NRXN3: variants seen among roughly 807,000 people sequenced by gnomAD.
NRXN3 encodes the protein neurexin 3.
Under a neutral mutation model 137.6 loss-of-function variants are expected in NRXN3, and 32 were observed. That is an observed-to-expected ratio of 0.23 (90% CI 0.18 to 0.31). NRXN3 has a LOEUF of 0.31. Among genes scored for constraint, NRXN3 ranks in the 10% least tolerant of loss-of-function variants. The pLI is 1.00. For synonymous variants in NRXN3, 798 were observed against 784.5 expected (o/e 1.02, Z -0.29); for missense variants, 1,574 against 2,062.5 (o/e 0.76, Z 4.59).
intron 15 of NRXN3, among the ~76,000 whole-genome samples, chr14:79,031,171 G>A (rs2099607689): frequency 6.6e-6 from 1 of 152,104 alleles, no homozygotes; most frequent in Non-Finnish European, 1.5e-5. Context: ...GGGGAGGTCA[G>A]GGAATGGACT....
intron 20 of NRXN3, among the ~76,000 whole-genome samples, chr14:79,847,772 A>G (rs2099383056): frequency 6.6e-6 from 1 of 152,218 alleles, no homozygotes; most frequent in African/African-American, 2.4e-5. Context: ...AGATGAGGAC[A>G]TAAAGGAACA....
At position 79,025,941 on chromosome 14, in the gene NRXN3, C is replaced by G. The variant is rs867689527; in HGVS notation, c.3262+37800C>G. ...GCTTTCAGCCTCCAGTTTGTTGCCT[C>G]TTAGTCACAGTATAGTTGCTGCACC... is the stretch of plus-strand genomic sequence containing the variant. On this transcript the variant is annotated intron_variant, in intron 15 of 20. Transcript: ENST00000335750. Among the ~76,000 whole-genome samples, 8 of 152,196 alleles carry G rather than the reference C, an allele frequency of 5.3e-5. No individual in the cohort carries two copies. The South Asian group carries it at 8.3e-4, about 16-fold the overall frequency.
intron 4 of NRXN3, among the ~76,000 whole-genome samples, chr14:78,474,112 T>C (rs1332744674): frequency 2.0e-5 from 3 of 152,146 alleles, no homozygotes; most frequent in Admixed American, 6.5e-5. Flanking sequence ...TAAACGTATG[T>C]CCATCTGTAA....
At chr14:79,366,031 C>A (rs1463829554) in intron 15 of NRXN3, among the ~76,000 whole-genome samples, 1 of 151,916 alleles carries the variant, frequency 6.6e-6, no homozygotes, top group African/African-American at 2.4e-5. Flanking sequence ...ATGCAAGCAC[C>A]CCTCTCTTCA....
At chr14:79,348,981 G>C (rs1188135141) in intron 15 of NRXN3, among the ~76,000 whole-genome samples, 1 of 152,092 alleles carries the variant, frequency 6.6e-6, no homozygotes, top group Middle Eastern at 3.2e-3. Flanking sequence ...GAAAATGGTT[G>C]ATCAATAAAG....
chr14:79,519,249 G>A (rs1433526548), intron 16 of NRXN3, among the ~76,000 whole-genome samples: 3 of 152,032 alleles, frequency 2.0e-5, no homozygotes, highest in East Asian at 3.9e-4. Flanking sequence ...TCATTTTTCT[G>A]TGCTTATTTT....
intron 15 of NRXN3, among the ~76,000 whole-genome samples, chr14:79,096,662 C>A (rs1457629403): frequency 6.6e-6 from 1 of 152,086 alleles, no homozygotes; most frequent in Non-Finnish European, 1.5e-5. Context: ...CTCTCACCAG[C>A]ATTCTCTGTG....
intron 15 of NRXN3, among the ~76,000 whole-genome samples, chr14:79,356,092 A>G (rs1431545352): frequency 1.3e-5 from 2 of 152,172 alleles, no homozygotes; most frequent in Non-Finnish European, 2.9e-5. Context: ...TTTCCATAGC[A>G]AAGTAGTCTA....
At chr14:79,634,811 C>G (rs1378276881) in intron 16 of NRXN3, among the ~76,000 whole-genome samples, 1 of 152,170 alleles carries the variant, frequency 6.6e-6, no homozygotes, top group Admixed American at 6.5e-5. Context: ...CCAACCTTTC[C>G]CCATCGCCAC....
intron 4 of NRXN3, among the ~76,000 whole-genome samples, chr14:78,562,946 G>A (rs775615779): frequency 6.6e-6 from 1 of 152,150 alleles, no homozygotes; most frequent in Non-Finnish European, 1.5e-5. Context: ...TCAGTTGAGT[G>A]TTTTTCCACT....
chr14:78,982,060 A>G (rs1455008796), intron 14 of NRXN3, among the ~76,000 whole-genome samples: 1 of 152,138 alleles, frequency 6.6e-6, no homozygotes, highest in Admixed American at 6.6e-5. Context: ...TGAGTCTGAA[A>G]TCAAAGGACA....
chr14:78,315,716 A>G (rs1055546891), intron 4 of NRXN3, among the ~76,000 whole-genome samples: 56 of 152,202 alleles, frequency 3.7e-4, no homozygotes, highest in African/African-American at 1.1e-3. Flanking sequence ...CTGATTCAAT[A>G]GGATTTTGTT....
chr14:78,729,129 C>A (rs1014273455), intron 8 of NRXN3, among the ~76,000 whole-genome samples: 3 of 152,184 alleles, frequency 2.0e-5, no homozygotes, highest in Non-Finnish European at 4.4e-5. Flanking sequence ...TATTATTATT[C>A]TTCTCTCTTT....
intron 4 of NRXN3, among the ~76,000 whole-genome samples, chr14:78,347,202 T>C (rs2082862578): frequency 6.6e-6 from 1 of 152,196 alleles, no homozygotes; most frequent in Admixed American, 6.5e-5. Context: ...CAGGCAATGT[T>C]TTATGGGGAC....
intron 2 of NRXN3, among the ~76,000 whole-genome samples, chr14:78,270,997 G>A (rs928685991): frequency 6.6e-6 from 1 of 152,292 alleles, no homozygotes; most frequent in Admixed American, 6.5e-5. Flanking sequence ...TTCAGCTACC[G>A]TGTGTGTTAT....
rs76267795 is a variant in NRXN3, at chr14:79,122,384, A to G, written c.3262+134243A>G. Among the ~76,000 whole-genome samples the G allele has an allele frequency of 8.7e-3, 1,318 of 152,270 alleles. 8 individuals carry two copies. The highest frequency in any genetic ancestry group is 0.012 in the Non-Finnish European group (839 of 68,010). On this transcript the variant is annotated intron_variant, in intron 15 of 20. Coordinates refer to ENST00000335750, the MANE Select transcript of NRXN3 (RefSeq NM_001330195.2). ...CTTTGGCTGACTTGGAAAGAATGGC[A>G]GTGCTATTAACAATGTACACATAGT...
Position 78,516,560 on chromosome 14 carries a change from A to G in NRXN3, c.758-128560A>G, listed in dbSNP as rs143653905. On this transcript the variant is annotated intron_variant, in intron 4 of 20. Coordinates refer to ENST00000335750, the MANE Select transcript of NRXN3 (RefSeq NM_001330195.2). ...GTAGTGAGATTGCAGGGGGCTTTCAATTTTCTGCTTGGGTGTTGGTGGAGA... is the reference window on the plus strand; with the variant it reads ...GTAGTGAGATTGCAGGGGGCTTTCAGTTTTCTGCTTGGGTGTTGGTGGAGA... Among the ~76,000 whole-genome samples, 869 of 151,664 alleles carry G rather than the reference A, an allele frequency of 5.7e-3. 13 individuals are homozygous for G. The highest frequency in any genetic ancestry group is 0.02 in the African/African-American group (823 of 41,412).
rs17109374 is a variant in NRXN3, at chr14:79,531,178, C to T, written c.3444+63776C>T. Among the ~76,000 whole-genome samples the T allele has an allele frequency of 9.7e-3, 1,483 of 152,236 alleles. 62 individuals are homozygous for T. In the East Asian group the frequency reaches 0.13, roughly 13 times the overall value. On this transcript the variant is annotated intron_variant, in intron 16 of 20. Transcript: ENST00000335750. ...TGAAGTAGGAAAGTCCCATTGCTTC[C>T]GTTTAGCTAATGCTATGCTCATACC...
intron 15 of NRXN3, among the ~76,000 whole-genome samples, chr14:79,316,884 C>T (rs2088873906): frequency 6.6e-6 from 1 of 152,066 alleles, no homozygotes; most frequent in Non-Finnish European, 1.5e-5. Flanking sequence ...GAGAGGCTTA[C>T]AACAATACAA....
Sources: gnomAD v4.1 joint callset for allele counts (sites outside exome capture counted in the v4.1 genomes callset) on GRCh38, gnomAD v4.1.1 for gene constraint, MANE v1.5 for transcripts, NCBI Gene and HGNC (gene_info 2026-07-23, HGNC 2026-07-21) for gene names.